The following USH1C variants were observed in gnomAD, a reference collection of about 807,000 sequenced individuals.
The protein encoded by USH1C is harmonin.
A neutral mutation model predicts 119.3 loss-of-function variants in USH1C; 90 were observed. The observed-to-expected ratio is 0.75, with a 90% CI of 0.64 to 0.90. The LOEUF is 0.90. USH1C is among the 40% of genes least tolerant of loss of function. The pLI, the probability that USH1C is intolerant of heterozygous loss-of-function variation, is 0.00. For synonymous variants in USH1C, 465 were observed against 443.3 expected, an observed-to-expected ratio of 1.05 and a Z score of -0.62; for missense variants, 1,165 against 1,167.7, an observed-to-expected ratio of 1.00 and a Z score of 0.03.
chr11:17,540,336 G>A (rs911812986), intron 1 of USH1C, among the ~76,000 whole-genome samples: 1 of 152,016 alleles, frequency 6.6e-6, no homozygotes, highest in Non-Finnish European at 1.5e-5. Flanking sequence ...CCTGTGCCTG[G>A]CACAGCAATC....
chr11:17,505,972 A>G (rs1849632498), intron 18 of USH1C, 23 bp from the exon 19 acceptor site: 2 of 1,613,942 alleles, frequency 1.2e-6, no homozygotes, highest in Admixed American at 1.7e-5. Flanking sequence ...TTTAACAGGG[A>G]CCCAGGTGAG....
intron 23 of USH1C, 76 bp downstream of exon 23, chr11:17,500,975 C>T: frequency 1.6e-6 from 2 of 1,275,784 alleles, no homozygotes; most frequent in Non-Finnish European, 2.2e-6. Context: ...CAAGTGGTCA[C>T]CTGTTTGCTT....
chr11:17,519,011 A>G (rs578120874), intron 14 of USH1C, among the ~76,000 whole-genome samples: 6 of 150,408 alleles, frequency 4.0e-5, no homozygotes, highest in Non-Finnish European at 7.4e-5. Context: ...ACAAGAGCAA[A>G]ACTCTGTCTC....
chr11:17,544,416 T>A lies in USH1C; in HGVS notation c.-109A>T, dbSNP rs556793498. The A allele has an allele frequency of 2.0e-6, 3 of 1,513,666 alleles. No individual in the cohort carries two copies. In the African/African-American group the frequency reaches 4.1e-5, roughly 21 times the overall value. The allele number at this position is 1,513,666 out of a possible 1,614,324, so 93.8% of individuals were successfully genotyped here. On this transcript the variant is annotated 5_prime_UTR_variant, in exon 1 of 27. Transcript: ENST00000005226. ...CGACCGGGCCAGCCGCCCTCGGAGC[T>A]GGGGGCGGGGCCTGAGCGCGGAGGG...
intron 15 of USH1C, 27 bp downstream of exon 15, chr11:17,516,214 C>T (rs1228647088): frequency 1.2e-6 from 2 of 1,613,314 alleles, no homozygotes; most frequent in African/African-American, 1.3e-5. Flanking sequence ...AAGCAGCACA[C>T]CAGCACAGCA....
chr11:17,527,432 A>G, intron 4 of USH1C, 101 bp from the exon 5 acceptor site: 1 of 981,334 alleles, frequency 1.0e-6, no homozygotes, highest in African/African-American at 1.6e-5. Flanking sequence ...CGGAAAAGGG[A>G]AGGGTGGCTG....
At chr11:17,533,058 C>T (rs1354153181) in intron 2 of USH1C, among the ~76,000 whole-genome samples, 197 bp downstream of exon 2, 1 of 152,178 alleles carries the variant, frequency 6.6e-6, no homozygotes, top group African/African-American at 2.4e-5. Context: ...CAACTATACC[C>T]AGCCCCTAGT....
Position 17,520,860 on chromosome 11 carries a change from T to G in USH1C, c.1210+10A>C, listed in dbSNP as rs918131488. The G allele has an allele frequency of 1.2e-5, 20 of 1,614,086 alleles. No homozygotes were observed. Among genetic ancestry groups the G allele is most frequent in the Non-Finnish European group, 1.6e-5 (19 of 1,180,032 alleles). On this transcript the variant is annotated intron_variant, in intron 14 of 26. Coordinates refer to ENST00000005226, the MANE Select transcript of USH1C (RefSeq NM_153676.4). ...TCCCTTAGCCTCTCCCCTCGGCTCA[T>G]GAAACTTACACTTTGGCTTGCGAAG... is the stretch of plus-strand genomic sequence containing the variant.
In USH1C at chr11:17,509,380, T is replaced by C. The variant is rs1388399222; in HGVS notation, c.1989A>G (p.Glu663=). The C allele has an allele frequency of 1.9e-6, 3 of 1,589,804 alleles. No homozygotes were observed. Among genetic ancestry groups the C allele is most frequent in the South Asian group, 2.3e-5 (2 of 87,422 alleles). ...SGKPTNSPVP[E]QSFPPTPKTF... is the part of the protein sequence containing the mutation. ...CCTTTGGGGTGGGTGGGAAGCTCTG[T>C]TCAGGGACAGGGGAGTTAGTGGGCT... Residue 663 remains glutamate (E), a synonymous_variant, in exon 18 of 27, where the codon GAA becomes GAG. Coordinates refer to ENST00000005226, the MANE Select transcript of USH1C (RefSeq NM_153676.4).
rs199537540 is a variant in USH1C at position 17,501,460 on chromosome 11, C to T, written c.2280+22G>A. On this transcript the variant is annotated intron_variant, in intron 22 of 26. Transcript: ENST00000005226. ...GGCACAGAGAGGGATGGCGGCCCAC[C>T]GGCCTCCACATGCCCAGGTACCTTC... 1.0e-4 allele frequency: 165 copies of T among 1,609,800 alleles called. No homozygotes were observed. In the African/African-American group the frequency reaches 1.4e-3, roughly 14 times the overall value.
At chr11:17,508,642 T>C (rs993184472) in intron 18 of USH1C, among the ~76,000 whole-genome samples, 1 of 152,250 alleles carries the variant, frequency 6.6e-6, no homozygotes, top group Non-Finnish European at 1.5e-5. Flanking sequence ...TACGAATAAT[T>C]AATAAGAAAT....
chr11:17,520,718 C>A lies in USH1C; in HGVS notation c.1210+152G>T, dbSNP rs543177491. The A allele has an allele frequency of 3.2e-6, 3 of 929,038 alleles. No individual in the cohort carries two copies. In the South Asian group the frequency reaches 4.1e-5, roughly 13 times the overall value. 57.5% of individuals were successfully genotyped at this position (929,038 alleles called of 1,614,324 possible). A position where few individuals can be genotyped will look rare whatever the true frequency, so the allele number is the denominator to read the frequency against. ...GATCCCTCCTACCTCGATGCTGGGG[C>A]AGATGGTCTCTGACCCACAGCTGCC... is the stretch of plus-strand genomic sequence containing the variant. On this transcript the variant is annotated intron_variant, in intron 14 of 26. Coordinates refer to ENST00000005226, the MANE Select transcript of USH1C (RefSeq NM_153676.4).
intron 14 of USH1C, among the ~76,000 whole-genome samples, chr11:17,518,575 G>A (rs915013313): frequency 1.3e-5 from 2 of 152,212 alleles, no homozygotes; most frequent in Admixed American, 6.5e-5. Flanking sequence ...AATGTTGGGG[G>A]TCTGCTGGAT....
chr11:17,522,986 C>T, intron 11 of USH1C, 60 bp from the exon 12 acceptor site: 3 of 1,597,854 alleles, frequency 1.9e-6, no homozygotes, highest in South Asian at 2.2e-5. Context: ...TCCCCTGACA[C>T]ACCCCTGGGG....
intron 4 of USH1C, 104 bp from the exon 5 acceptor site, chr11:17,527,435 G>A: frequency 1.1e-6 from 1 of 945,222 alleles, no homozygotes; most frequent in Non-Finnish European, 1.7e-6. Context: ...AAAAGGGAAG[G>A]GTGGCTGTGC....
At chr11:17,503,774 C>T (rs1432913771) in intron 20 of USH1C, among the ~76,000 whole-genome samples, 2 of 152,212 alleles carry the variant, frequency 1.3e-5, no homozygotes, top group Non-Finnish European at 2.9e-5. Context: ...ATCTCTCTGC[C>T]TCAGTTTCTC....
intron 1 of USH1C, among the ~76,000 whole-genome samples, chr11:17,543,619 C>G (rs933827064): frequency 2.6e-5 from 4 of 152,172 alleles, no homozygotes; most frequent in African/African-American, 9.7e-5. Context: ...ACCAGTGAGG[C>G]CCCTCACTGG....
rs1849828145 is a variant in USH1C at position 17,510,253 on chromosome 11, G to T, written c.1530+152C>A. ...ACAGACATATCCCTCCTCCTCAAGA[G>T]GGGAGTGGGGTGGTAGGGGTGGGCC... On this transcript the variant is annotated intron_variant, in intron 17 of 26. Transcript: ENST00000005226. 3 of 687,540 alleles carry T rather than the reference G, an allele frequency of 4.4e-6. No homozygotes were observed. The Admixed American group carries it at 6.3e-5, about 14-fold the overall frequency. The allele number at this position is 687,540 out of a possible 1,614,324, so 42.6% of individuals were successfully genotyped here.
chr11:17,501,635 C>A, intron 21 of USH1C, 100 bp from the exon 22 acceptor site: 1 of 1,363,144 alleles, frequency 7.3e-7, no homozygotes, highest in South Asian at 1.2e-5. Flanking sequence ...GACACTGGGC[C>A]CCACAGAGCA....
Sources: gnomAD v4.1 joint callset for allele counts (sites outside exome capture counted in the v4.1 genomes callset) on GRCh38, gnomAD v4.1.1 for gene constraint, MANE v1.5 for transcripts, NCBI Gene and HGNC (gene_info 2026-07-23, HGNC 2026-07-21) for gene names.